Variants in SHTN1 observed in about 807,000 individuals in gnomAD.
SHTN1 encodes the protein shootin 1.
SHTN1 carries 42 observed loss-of-function variants against 83.1 expected under a neutral mutation model. That is an observed-to-expected ratio of 0.51 (90% CI 0.39 to 0.65). The LOEUF (loss-of-function observed/expected upper bound fraction) is 0.65. Among genes scored for constraint, SHTN1 ranks in the 30% least tolerant of loss-of-function variants. The pLI, the probability that SHTN1 is intolerant of heterozygous loss-of-function variation, is 0.00. For synonymous variants in SHTN1, 224 were observed against 247.7 expected, an observed-to-expected ratio of 0.90 and a Z score of 0.90; for missense variants, 622 against 737.8, an observed-to-expected ratio of 0.84 and a Z score of 1.82.
chr10:117,016,104 T>C (rs998598917), intron 2 of SHTN1, among the ~76,000 whole-genome samples: 1 of 152,200 alleles, frequency 6.6e-6, no homozygotes, highest in Non-Finnish European at 1.5e-5. Flanking sequence ...AGCATTCTTA[T>C]ACAGATTCAC....
At chr10:117,117,497 A>G (rs923520907) in intron 1 of SHTN1, among the ~76,000 whole-genome samples, 1 of 152,210 alleles carries the variant, frequency 6.6e-6, no homozygotes, top group African/African-American at 2.4e-5. Flanking sequence ...TGCAATCCCT[A>G]TCAAAATACC....
chr10:117,015,272 A>G (rs1196124954), intron 2 of SHTN1, among the ~76,000 whole-genome samples: 1 of 152,156 alleles, frequency 6.6e-6, no homozygotes, highest in Non-Finnish European at 1.5e-5. Flanking sequence ...CTCTGCTGAC[A>G]GCTGAAGGCT....
chr10:116,934,434 C>T (rs138292926), intron 9 of SHTN1, among the ~76,000 whole-genome samples: 2 of 152,294 alleles, frequency 1.3e-5, no homozygotes, highest in African/African-American at 4.8e-5. Flanking sequence ...AATCCTTTCT[C>T]CATTGCTTGT....
intron 16 of SHTN1, among the ~76,000 whole-genome samples, chr10:116,891,506 C>G: frequency 6.6e-6 from 1 of 152,142 alleles, no homozygotes; most frequent in East Asian, 1.9e-4. Context: ...CCTTCAAGGA[C>G]AGAAAACAGA....
intron 1 of SHTN1, among the ~76,000 whole-genome samples, chr10:117,093,903 C>G (rs967791664): frequency 4.6e-5 from 7 of 152,070 alleles, no homozygotes; most frequent in African/African-American, 1.7e-4. Context: ...AAGTAACAAA[C>G]CTGGGTAAAT....
intron 1 of SHTN1, among the ~76,000 whole-genome samples, chr10:117,068,383 A>G (rs1331920311): frequency 6.6e-6 from 1 of 152,134 alleles, no homozygotes; most frequent in Non-Finnish European, 1.5e-5. Context: ...TTTAGGAACC[A>G]GAAGGTTGCA....
intron 12 of SHTN1, among the ~76,000 whole-genome samples, chr10:116,921,124 AAG>A (rs1848549552): frequency 2.6e-5 from 4 of 152,134 alleles, no homozygotes; most frequent in Non-Finnish European, 5.9e-5. Flanking sequence ...TACCAACTCT[AAG>A]AAGTCTTGCC....
chr10:117,119,866 G>A (rs1323114425), intron 1 of SHTN1, among the ~76,000 whole-genome samples: 2 of 151,566 alleles, frequency 1.3e-5, no homozygotes, highest in South Asian at 2.1e-4. Context: ...ATAAGATCCT[G>A]TCATTTGCAA....
At chr10:117,048,382 G>T in intron 2 of SHTN1, 1 of 560,848 alleles carries the variant, frequency 1.8e-6, no homozygotes, top group Non-Finnish European at 2.3e-6. Flanking sequence ...ATTCTAGATA[G>T]GAAAGATTCA....
At chr10:116,966,089 CT>C (rs1192504178) in intron 3 of SHTN1, among the ~76,000 whole-genome samples, 1 of 152,120 alleles carries the variant, frequency 6.6e-6, no homozygotes, top group Admixed American at 6.5e-5. Flanking sequence ...TTACTGCAAC[CT>C]CCGCCTCCCT....
At position 116,886,056 on chromosome 10, in the gene SHTN1, C is replaced by G. The variant is rs984769890; in HGVS notation, c.*288G>C. The G allele has an allele frequency of 7.6e-6, 3 of 394,900 alleles. No individual in the cohort carries two copies. The South Asian group carries it at 1.4e-4, about 18-fold the overall frequency. 24.5% of individuals were successfully genotyped at this position (394,900 alleles called of 1,614,324 possible). ...ACATTTCCTAAAAAGGTATCAACAT[C>G]TGAATTTTTTTGTAACCTTCTAAAA... On this transcript the variant is annotated 3_prime_UTR_variant, in exon 17 of 17. Coordinates refer to ENST00000355371, the MANE Select transcript of SHTN1 (RefSeq NM_001127211.3).
chr10:116,900,972 GCTAAGACAGCTAGAGTTACAAA>G (rs1847710864), intron 16 of SHTN1: 1 of 985,302 alleles, frequency 1.0e-6, no homozygotes. Context: ...CACCTTTTAA[GCTAAGACAGCTAGAGTTACAAA>G]AAAGGGGTTC....
intron 2 of SHTN1, among the ~76,000 whole-genome samples, chr10:117,018,111 GA>G (rs1359323015): frequency 6.6e-5 from 10 of 152,118 alleles, no homozygotes; most frequent in Non-Finnish European, 1.5e-4. Context: ...TCCTGGAACA[GA>G]AAAAGGGCAT....
intron 1 of SHTN1, among the ~76,000 whole-genome samples, chr10:117,124,629 C>T (rs1050151493): frequency 1.3e-4 from 20 of 151,824 alleles, no homozygotes; most frequent in African/African-American, 2.9e-4. Flanking sequence ...AAGAATTAGC[C>T]GAGCGTGGTG....
At chr10:116,921,667 C>T in intron 11 of SHTN1, 151 bp from the exon 12 acceptor site, 1 of 561,298 alleles carries the variant, frequency 1.8e-6, no homozygotes. Flanking sequence ...AACTTTTCAT[C>T]ACTTTACAGA....
chr10:116,969,783 T>C (rs571721664), intron 2 of SHTN1, among the ~76,000 whole-genome samples: 28 of 152,290 alleles, frequency 1.8e-4, no homozygotes, highest in Middle Eastern at 3.4e-3. Context: ...AAAAACCTAA[T>C]GTTTATTATT....
intron 2 of SHTN1, among the ~76,000 whole-genome samples, chr10:117,044,442 G>A (rs1852631758): frequency 6.6e-6 from 1 of 152,126 alleles, no homozygotes; most frequent in African/African-American, 2.4e-5. Context: ...TAGAAACTGT[G>A]TAACATTGTT....
intron 1 of SHTN1, 94 bp from the exon 2 acceptor site, chr10:116,979,402 T>C (rs1486148429): frequency 4.3e-6 from 4 of 929,716 alleles, no homozygotes; most frequent in East Asian, 2.4e-5. Flanking sequence ...GTCTTCTTAC[T>C]AGGTTGAGGT....
At chr10:117,062,551 T>A (rs537864879) in intron 1 of SHTN1, among the ~76,000 whole-genome samples, 1 of 152,292 alleles carries the variant, frequency 6.6e-6, no homozygotes, top group African/African-American at 2.4e-5. Context: ...GCAAGGCCAT[T>A]TATCAGGTTA....
Sources: allele counts gnomAD v4.1 joint callset (sites outside exome capture counted in the v4.1 genomes callset), GRCh38; gene constraint gnomAD v4.1.1; transcripts MANE v1.5; gene names NCBI Gene and HGNC (gene_info 2026-07-23, HGNC 2026-07-21).